Variants in PPP2R2C observed in about 807,000 individuals in gnomAD.
The protein encoded by PPP2R2C is protein phosphatase 2 regulatory subunit Bgamma, also known as protein phosphatase 2, regulatory subunit B, gamma.
Under a neutral mutation model 45.3 loss-of-function variants are expected in PPP2R2C, and 10 were observed. That is an observed-to-expected ratio of 0.22 (90% CI 0.14 to 0.37). The LOEUF is 0.37. PPP2R2C is among the 10% of genes least tolerant of loss of function. The pLI, the probability that PPP2R2C is intolerant of heterozygous loss-of-function variation, is 1.00. For synonymous variants in PPP2R2C, 257 were observed against 245.4 expected (o/e 1.05, Z -0.44); for missense variants, 308 against 619.7 (o/e 0.50, Z 5.34).
intron 5 of PPP2R2C, chr4:6,350,357 C>T (rs764731991): frequency 4.0e-5 from 39 of 985,444 alleles, no homozygotes; most frequent in East Asian, 1.1e-4. Context: ...AGAAAAAGTG[C>T]GGCCACTGAT....
chr4:6,548,881 C>T (rs540158529), intron 1 of PPP2R2C, among the ~76,000 whole-genome samples: 96 of 152,264 alleles, frequency 6.3e-4, no homozygotes, highest in Admixed American at 1.4e-3. Context: ...ATCTGAGCCT[C>T]GCACCTCCTT....
chr4:6,392,770 C>G (rs1287273136), intron 1 of PPP2R2C, among the ~76,000 whole-genome samples: 1 of 152,196 alleles, frequency 6.6e-6, no homozygotes, highest in Non-Finnish European at 1.5e-5. Flanking sequence ...CAATGACCAC[C>G]CCATCCTTCT....
rs1712629473 is a variant in PPP2R2C, at chr4:6,352,224, G to A, written c.626-4214C>T. ...GCCCCCGGCTGGGCGTCTGGTCTTGGCTGTCACTCGGGGCCCCCGGCTGGG... is the reference window on the plus strand; with the variant it reads ...GCCCCCGGCTGGGCGTCTGGTCTTGACTGTCACTCGGGGCCCCCGGCTGGG... On this transcript the variant is annotated intron_variant, in intron 5 of 8. Transcript: ENST00000382599. 2.6e-5 allele frequency among the ~76,000 whole-genome samples: 4 copies of A among 151,894 alleles called. No homozygotes were observed. The South Asian group carries it at 8.4e-4, about 32-fold the overall frequency.
In PPP2R2C at chr4:6,330,189, G is replaced by C. The variant is rs528240715; in HGVS notation, c.961-836C>G. ...CTACAAGCCCTGTACCCGGAGGGCC[G>C]CATGAGTGCCAGCCCTCTGCTGAGG... On this transcript the variant is annotated intron_variant, in intron 7 of 8. Coordinates refer to ENST00000382599, the MANE Select transcript of PPP2R2C (RefSeq NM_020416.4). The surrounding 1 kb of genome is among the most constrained non-coding windows in gnomAD (Gnocchi z 7.0). 6.6e-6 allele frequency among the ~76,000 whole-genome samples: 1 copy of C among 152,142 alleles called. No individual in the cohort carries two copies. Among genetic ancestry groups the C allele is most frequent in the Non-Finnish European group, 1.5e-5 (1 of 68,014 alleles).
At chr4:6,503,553 C>T (rs1723126910) in intron 2 of PPP2R2C, among the ~76,000 whole-genome samples, 1 of 152,252 alleles carries the variant, frequency 6.6e-6, no homozygotes, top group African/African-American at 2.4e-5. Context: ...GAACGGTAGC[C>T]CTTGTATCCC....
At chr4:6,518,885 T>G (rs1208818240) in intron 2 of PPP2R2C, among the ~76,000 whole-genome samples, 1 of 127,592 alleles carries the variant, frequency 7.8e-6, no homozygotes, top group Non-Finnish European at 1.5e-5. Context: ...ATCACACCAT[T>G]GCACTCCAGC....
At position 6,375,383 on chromosome 4, in the gene PPP2R2C, G is replaced by A. The variant is rs114389159; in HGVS notation, c.447+436C>T. Among the ~76,000 whole-genome samples, 223 of 152,272 alleles carry A rather than the reference G, an allele frequency of 1.5e-3. 2 individuals carry two copies. Among genetic ancestry groups the A allele is most frequent in the African/African-American group, 5.1e-3 (211 of 41,540 alleles). On this transcript the variant is annotated intron_variant, in intron 4 of 8. Coordinates refer to ENST00000382599, the MANE Select transcript of PPP2R2C (RefSeq NM_020416.4). ...GATGCTGAAGGCCTCACACGGTCCA[G>A]GCTTCCTTCTGCCCTCAGTAAAGGA...
intron 1 of PPP2R2C, among the ~76,000 whole-genome samples, chr4:6,552,980 A>G (rs923849943): frequency 1.3e-5 from 2 of 152,222 alleles, no homozygotes; most frequent in South Asian, 2.1e-4. Context: ...TTCACCCCAG[A>G]TAGTTCAACA....
intron 1 of PPP2R2C, among the ~76,000 whole-genome samples, chr4:6,425,703 C>A (rs1370499420): frequency 6.6e-6 from 1 of 152,204 alleles, no homozygotes; most frequent in Non-Finnish European, 1.5e-5. Flanking sequence ...ATCCCCATCA[C>A]CACAGGGCAG....
At chr4:6,383,255 A>G (rs1050330202) in intron 1 of PPP2R2C, 197 of 1,220,266 alleles carry the variant, frequency 1.6e-4, no homozygotes, top group Middle Eastern at 2.3e-4. Flanking sequence ...CCCCCGGCCA[A>G]GCCCAGCCTC....
At chr4:6,383,691 T>G (rs567614471) in intron 1 of PPP2R2C, 1 of 609,486 alleles carries the variant, frequency 1.6e-6, no homozygotes, top group Non-Finnish European at 2.3e-6. Flanking sequence ...CCTAATCTGA[T>G]GTTTTTCTTT....
chr4:6,514,709 T>C (rs1317789144), intron 2 of PPP2R2C, among the ~76,000 whole-genome samples: 2 of 152,228 alleles, frequency 1.3e-5, no homozygotes, highest in Non-Finnish European at 2.9e-5. Flanking sequence ...ATTCATTTCC[T>C]AGGGCTGCCA....
chr4:6,528,900 CT>C (rs1199778930), intron 2 of PPP2R2C, among the ~76,000 whole-genome samples: 5 of 152,188 alleles, frequency 3.3e-5, no homozygotes, highest in African/African-American at 9.7e-5. Flanking sequence ...GGCCCCACCC[CT>C]ATCTCCCTTT....
chr4:6,481,170 T>A (rs1250816498), intron 2 of PPP2R2C, among the ~76,000 whole-genome samples: 15 of 152,284 alleles, frequency 9.9e-5, no homozygotes, highest in Admixed American at 5.2e-4. Flanking sequence ...AAGTCATTCA[T>A]TTTGATGTAG....
chr4:6,330,548 G>C lies in PPP2R2C; in HGVS notation c.961-1195C>G, dbSNP rs1392488222. Among the ~76,000 whole-genome samples, 1 of 152,132 alleles carries C rather than the reference G, an allele frequency of 6.6e-6. No homozygotes were observed. The highest frequency in any genetic ancestry group is 1.5e-5 in the Non-Finnish European group (1 of 68,020). On this transcript the variant is annotated intron_variant, in intron 7 of 8. Transcript: ENST00000382599. This position sits in a 1 kb window ranked among gnomAD's most constrained non-coding sequence, Gnocchi z 7.0. Reference sequence around the variant, plus strand: ...ATAGAACAAAGACAGACCTCCCTGAGGACCGGGGGATTCCGCTAACAGATG... The same window carrying C: ...ATAGAACAAAGACAGACCTCCCTGACGACCGGGGGATTCCGCTAACAGATG...
At chr4:6,395,725 C>G (rs925658992) in intron 1 of PPP2R2C, among the ~76,000 whole-genome samples, 1 of 152,218 alleles carries the variant, frequency 6.6e-6, no homozygotes, top group Non-Finnish European at 1.5e-5. Flanking sequence ...CTGCTGGCAG[C>G]TCAGCCTCCA....
intron 1 of PPP2R2C, among the ~76,000 whole-genome samples, chr4:6,538,031 C>G (rs1317980630): frequency 6.6e-6 from 1 of 151,984 alleles, no homozygotes; most frequent in Non-Finnish European, 1.5e-5. Context: ...GGCGATGGGT[C>G]GTGGAGATGG....
chr4:6,382,084 A>C, intron 1 of PPP2R2C: 1 of 1,372,598 alleles, frequency 7.3e-7, no homozygotes, highest in Non-Finnish European at 9.4e-7. Context: ...CTGCAGCCCC[A>C]AAATGATTAT....
intron 1 of PPP2R2C, among the ~76,000 whole-genome samples, chr4:6,442,932 C>T (rs1441681194): frequency 1.3e-5 from 2 of 152,230 alleles, no homozygotes; most frequent in Admixed American, 1.3e-4. Context: ...AAGGGGGGCA[C>T]CCATTCCCCC....
Sources: gnomAD v4.1 joint callset for allele counts (sites outside exome capture counted in the v4.1 genomes callset) on GRCh38, gnomAD v4.1.1 for gene constraint, Gnocchi (gnomAD v3.1) non-coding constraint, MANE v1.5 for transcripts, NCBI Gene and HGNC (gene_info 2026-07-23, HGNC 2026-07-21) for gene names.